Variants in ARL15 observed in about 807,000 individuals in gnomAD.
ARL15 encodes ARF like GTPase 15.
ARL15 carries 19 observed loss-of-function variants against 25.2 expected under a neutral mutation model. That is an observed-to-expected ratio of 0.75 (90% CI 0.53 to 1.10). The LOEUF (loss-of-function observed/expected upper bound fraction) is 1.10. Ranked by LOEUF, ARL15 falls within the 50% of genes least tolerant of loss-of-function variation. The pLI is 0.00. For synonymous variants in ARL15, 94 were observed against 86.8 expected (o/e 1.08, Z -0.46); for missense variants, 220 against 246.0 (o/e 0.89, Z 0.71).
chr5:54,121,228 G>A (rs1166851101), intron 3 of ARL15, among the ~76,000 whole-genome samples: 1 of 152,114 alleles, frequency 6.6e-6, no homozygotes, highest in Non-Finnish European at 1.5e-5. Flanking sequence ...AATTATGCTT[G>A]CTCTGCAATA....
At chr5:54,234,843 A>G (rs543065204) in intron 1 of ARL15, among the ~76,000 whole-genome samples, 27 of 152,380 alleles carry the variant, frequency 1.8e-4, no homozygotes, top group Admixed American at 7.8e-4. Flanking sequence ...TTATAAAATA[A>G]TAATATATGA....
At chr5:53,961,244 A>C (rs1458854652) in intron 4 of ARL15, among the ~76,000 whole-genome samples, 1 of 151,990 alleles carries the variant, frequency 6.6e-6, no homozygotes, top group Non-Finnish European at 1.5e-5. Flanking sequence ...AACAACAAAA[A>C]ATTATTTCCT....
intron 4 of ARL15, among the ~76,000 whole-genome samples, chr5:54,073,714 G>A (rs1019421905): frequency 6.6e-6 from 1 of 152,182 alleles, no homozygotes; most frequent in African/African-American, 2.4e-5. Context: ...AAGCCCCAAA[G>A]AAATGTTTTC....
chr5:53,906,000 A>T (rs946907269), intron 4 of ARL15, among the ~76,000 whole-genome samples: 1 of 152,216 alleles, frequency 6.6e-6, no homozygotes, highest in Non-Finnish European at 1.5e-5. Context: ...TTCACTGAAA[A>T]AAAGGAAAAG....
intron 4 of ARL15, among the ~76,000 whole-genome samples, chr5:53,953,184 C>T (rs1290511160): frequency 6.6e-6 from 1 of 152,072 alleles, no homozygotes; most frequent in East Asian, 1.9e-4. Flanking sequence ...GATTGGAGGC[C>T]TTATTTTGCA....
chr5:53,945,876 C>A (rs898559915), intron 4 of ARL15, among the ~76,000 whole-genome samples: 2 of 152,036 alleles, frequency 1.3e-5, no homozygotes, highest in Non-Finnish European at 2.9e-5. Context: ...ATTTTGTAGA[C>A]GAAGTAACTA....
intron 4 of ARL15, among the ~76,000 whole-genome samples, chr5:54,060,189 C>T (rs964714952): frequency 6.7e-6 from 1 of 148,702 alleles, no homozygotes; most frequent in Non-Finnish European, 1.5e-5. Flanking sequence ...AATCCCAGCA[C>T]TTTGGGAGGC....
intron 1 of ARL15, among the ~76,000 whole-genome samples, chr5:54,184,715 G>C (rs1280334684): frequency 1.3e-5 from 2 of 151,670 alleles, no homozygotes; most frequent in African/African-American, 2.4e-5. Flanking sequence ...AATCTTTTAG[G>C]CTCCATAAAG....
chr5:54,091,818 G>T (rs867966719), intron 4 of ARL15, among the ~76,000 whole-genome samples: 1 of 152,240 alleles, frequency 6.6e-6, no homozygotes, highest in East Asian at 1.9e-4. Context: ...CTGGTCCCAG[G>T]CATCAGCTAG....
intron 1 of ARL15, among the ~76,000 whole-genome samples, chr5:54,293,434 T>C (rs1005981022): frequency 6.6e-6 from 1 of 152,220 alleles, no homozygotes; most frequent in Non-Finnish European, 1.5e-5. Context: ...TTAATAGTTC[T>C]GCATAAAATT....
chr5:53,927,068 A>T (rs752181369), intron 4 of ARL15, among the ~76,000 whole-genome samples: 1 of 151,900 alleles, frequency 6.6e-6, no homozygotes, highest in Non-Finnish European at 1.5e-5. Flanking sequence ...ACTATTTTTT[A>T]GGAGTAAAAT....
At chr5:54,245,561 GC>G (rs1757065981) in intron 1 of ARL15, among the ~76,000 whole-genome samples, 1 of 152,082 alleles carries the variant, frequency 6.6e-6, no homozygotes, top group Non-Finnish European at 1.5e-5. Flanking sequence ...TGGGTCCTAA[GC>G]ACTCTTGCTC....
intron 4 of ARL15, among the ~76,000 whole-genome samples, chr5:54,024,175 C>T (rs1442113586): frequency 1.3e-5 from 2 of 152,134 alleles, no homozygotes; most frequent in Admixed American, 1.3e-4. Context: ...TGCCCTTGGC[C>T]CCTACGATAC....
At chr5:54,217,222 G>C (rs1033252837) in intron 1 of ARL15, among the ~76,000 whole-genome samples, 27 of 149,550 alleles carry the variant, frequency 1.8e-4, no homozygotes, top group Admixed American at 1.7e-3. Flanking sequence ...TTTTAAAAAG[G>C]GAGAAAACAC....
chr5:54,290,586 A>G (rs930806743), intron 1 of ARL15, among the ~76,000 whole-genome samples: 2 of 152,270 alleles, frequency 1.3e-5, no homozygotes, highest in South Asian at 2.1e-4. Context: ...GATTACAGGC[A>G]TGAGCCACCG....
chr5:54,019,712 CA>C (rs1579706006), intron 4 of ARL15, among the ~76,000 whole-genome samples: 1 of 152,060 alleles, frequency 6.6e-6, no homozygotes, highest in East Asian at 1.9e-4. Flanking sequence ...ATGCTCATGC[CA>C]ATGTAGCCTT....
chr5:54,011,709 C>T (rs1053046397), intron 4 of ARL15, among the ~76,000 whole-genome samples: 5 of 151,962 alleles, frequency 3.3e-5, no homozygotes, highest in Admixed American at 6.6e-5. Context: ...TGGAAAACTA[C>T]GGTCTTAAAA....
intron 4 of ARL15, among the ~76,000 whole-genome samples, chr5:53,943,873 T>C (rs2112093505): frequency 6.6e-6 from 1 of 152,334 alleles, no homozygotes; most frequent in South Asian, 2.1e-4. Context: ...AACAGGAAGC[T>C]GTACAAAATG....
intron 1 of ARL15, among the ~76,000 whole-genome samples, chr5:54,202,002 TAGA>T: frequency 6.6e-6 from 1 of 152,118 alleles, no homozygotes; most frequent in Non-Finnish European, 1.5e-5. Context: ...GGGTACCAAC[TAGA>T]GTATATGGCA....
Sources: allele counts gnomAD v4.1 joint callset (sites outside exome capture counted in the v4.1 genomes callset), GRCh38; gene constraint gnomAD v4.1.1; transcripts MANE v1.5; gene names NCBI Gene and HGNC (gene_info 2026-07-23, HGNC 2026-07-21).